AGTPBP1: variants seen among roughly 807,000 people sequenced by gnomAD.
AGTPBP1 encodes cytosolic carboxypeptidase 1.
A neutral mutation model predicts 143.9 loss-of-function variants in AGTPBP1; 70 were observed. That is an observed-to-expected ratio of 0.49 (90% CI 0.40 to 0.59). The LOEUF (loss-of-function observed/expected upper bound fraction) is 0.59, where lower values mean the gene tolerates loss of function less well. Ranked by LOEUF, AGTPBP1 falls within the 20% of genes least tolerant of loss-of-function variation. AGTPBP1 has a pLI of 0.00. For missense variants in AGTPBP1, 1,229 were observed against 1,464.5 expected (o/e 0.84, Z 2.62); for synonymous variants, 463 against 500.2 (o/e 0.93, Z 0.99).
At chr9:85,583,503 A>G (rs1828410352) in intron 23 of AGTPBP1, among the ~76,000 whole-genome samples, 1 of 152,214 alleles carries the variant, frequency 6.6e-6, no homozygotes, top group Non-Finnish European at 1.5e-5. Context: ...ACACCTGTTA[A>G]CATCTTGAGA....
intron 1 of AGTPBP1, among the ~76,000 whole-genome samples, chr9:85,736,708 T>C (rs1312084240): frequency 2.0e-5 from 3 of 152,216 alleles, no homozygotes; most frequent in East Asian, 3.8e-4. Flanking sequence ...GACACTCTTT[T>C]AGGGGACCCA....
intron 25 of AGTPBP1, among the ~76,000 whole-genome samples, chr9:85,563,431 C>T (rs992017610): frequency 2.0e-5 from 3 of 152,128 alleles, no homozygotes. Flanking sequence ...CAGTAAAGGC[C>T]ATTCTGATGA....
chr9:85,695,645 T>C (rs1458013278), intron 2 of AGTPBP1, among the ~76,000 whole-genome samples: 1 of 152,166 alleles, frequency 6.6e-6, no homozygotes, highest in Non-Finnish European at 1.5e-5. Flanking sequence ...ATCTTAATAT[T>C]CTGTGTGCAT....
Position 85,547,136 on chromosome 9 carries a change from A to G in AGTPBP1, c.3654T>C (p.Ser1218=), listed in dbSNP as rs1825778851. Residue 1218 remains serine, a synonymous_variant, in exon 26 of 26, where the codon TCT becomes TCC. Transcript: ENST00000357081. ...AAGGTAGGTATGTTCTTGATAATTC[A>G]GAGTCAGAAAGTACTTCTTCTTGAG... ...PSAQEEVLSD[S]ELSRTYLP 2.5e-6 allele frequency: 4 copies of G among 1,612,102 alleles called. No individual in the cohort carries two copies. The highest frequency in any genetic ancestry group is 3.4e-6 in the Non-Finnish European group (4 of 1,179,298).
At chr9:85,789,410 TATAAA>T in the AGTPBP1 span, among the ~76,000 whole-genome samples, 20 of 152,332 alleles carry the variant, frequency 1.3e-4, no homozygotes, top group East Asian at 3.5e-3. Context: ...TTTGCATGTA[TATAAA>T]ATGTTTGTGG....
intron 14 of AGTPBP1, among the ~76,000 whole-genome samples, chr9:85,621,888 AAAAATTCC>A (rs2133563509): frequency 6.6e-6 from 1 of 152,274 alleles, no homozygotes; most frequent in African/African-American, 2.4e-5. Context: ...CCAACAAAAT[AAAAATTCC>A]TCCAATCCCT....
the AGTPBP1 span, chr9:85,756,094 A>G: frequency 1.3e-6 from 2 of 1,561,528 alleles, no homozygotes; most frequent in Admixed American, 2.0e-5. Context: ...AGCAAAAGAA[A>G]TAGTTAGATG....
intron 2 of AGTPBP1, among the ~76,000 whole-genome samples, chr9:85,697,445 G>GTTTTATTTTTTTTTTTTTT (rs1836324925): frequency 1.5e-5 from 1 of 65,072 alleles, no homozygotes; most frequent in African/African-American, 6.5e-5. Flanking sequence ...TTTGTTTTTT[G>GTTTTATTTTTTTTTTTTTT]TTTTTTTTTT....
At chr9:85,597,002 T>A (rs977477116) in intron 17 of AGTPBP1, among the ~76,000 whole-genome samples, 1 of 152,152 alleles carries the variant, frequency 6.6e-6, no homozygotes, top group African/African-American at 2.4e-5. Flanking sequence ...CTTACCTAAT[T>A]ACTAAATGAT....
intron 8 of AGTPBP1, among the ~76,000 whole-genome samples, chr9:85,662,392 A>G (rs1374483398): frequency 6.6e-6 from 1 of 152,216 alleles, no homozygotes; most frequent in Non-Finnish European, 1.5e-5. Context: ...AATAAACATT[A>G]TAAAATTTTG....
chr9:85,699,484 T>C (rs1268071402), intron 2 of AGTPBP1, among the ~76,000 whole-genome samples: 1 of 152,108 alleles, frequency 6.6e-6, no homozygotes, highest in Non-Finnish European at 1.5e-5. Flanking sequence ...GGGCAAGGGA[T>C]ATAAAACCTA....
At chr9:85,737,439 AT>A (rs1410825907) in intron 1 of AGTPBP1, among the ~76,000 whole-genome samples, 2 of 152,220 alleles carry the variant, frequency 1.3e-5, no homozygotes, top group East Asian at 3.8e-4. Flanking sequence ...AACAAGTCAC[AT>A]TTGTTGCCAA....
chr9:85,726,561 C>G (rs898287243), intron 1 of AGTPBP1, among the ~76,000 whole-genome samples: 1 of 152,136 alleles, frequency 6.6e-6, no homozygotes, highest in Non-Finnish European at 1.5e-5. Context: ...ACTAGTGCAT[C>G]AAGAGACATA....
chr9:85,571,911 G>C (rs1346625762), intron 25 of AGTPBP1, among the ~76,000 whole-genome samples: 1 of 149,600 alleles, frequency 6.7e-6, no homozygotes, highest in Non-Finnish European at 1.5e-5. Flanking sequence ...GAAGTGACTA[G>C]TTTGCCTACA....
chr9:85,588,569 A>G lies in AGTPBP1; in HGVS notation c.2723-91T>C, dbSNP rs547304329. On this transcript the variant is annotated intron_variant, in intron 20 of 25. Transcript: ENST00000357081. Reference sequence around the variant, plus strand: ...GGGCTTTAGAAATGTCTCTAACTCAATTGTGAATTCTAATATAAATTAATA... The same window carrying G: ...GGGCTTTAGAAATGTCTCTAACTCAGTTGTGAATTCTAATATAAATTAATA... 6 of 1,304,946 alleles carry G rather than the reference A, an allele frequency of 4.6e-6. No homozygotes were observed. The African/African-American group carries it at 6.0e-5, about 13-fold the overall frequency. The allele number at this position is 1,304,946 out of a possible 1,614,324, so 80.8% of individuals were successfully genotyped here.
At chr9:85,740,913 T>A (rs1421915112) in intron 1 of AGTPBP1, among the ~76,000 whole-genome samples, 2 of 152,168 alleles carry the variant, frequency 1.3e-5, no homozygotes, top group Admixed American at 1.3e-4. Context: ...AACATTCACA[T>A]CGATTACACT....
chr9:85,745,373 A>G (rs1259772416), upstream of AGTPBP1, among the ~76,000 whole-genome samples: 1 of 152,260 alleles, frequency 6.6e-6, no homozygotes, highest in African/African-American at 2.4e-5. Flanking sequence ...ATTGATTGTT[A>G]TAACTATTCA....
chr9:85,748,636 A>C, the AGTPBP1 span, among the ~76,000 whole-genome samples: 3 of 152,192 alleles, frequency 2.0e-5, no homozygotes. Flanking sequence ...GTGTGCTAGA[A>C]GTTTGGGCAT....
At chr9:85,800,324 C>G in the AGTPBP1 span, among the ~76,000 whole-genome samples, 24 of 152,156 alleles carry the variant, frequency 1.6e-4, 1 homozygote, top group Non-Finnish European at 2.8e-4. Flanking sequence ...TCTCCTTCTG[C>G]TTTCGGAGAG....
Sources: allele counts gnomAD v4.1 joint callset (sites outside exome capture counted in the v4.1 genomes callset), GRCh38; gene constraint gnomAD v4.1.1; transcripts MANE v1.5; gene names NCBI Gene and HGNC (gene_info 2026-07-23, HGNC 2026-07-21).